The following NR1D2 variants were observed in gnomAD, a reference collection of about 807,000 sequenced individuals.
NR1D2 encodes the protein nuclear receptor subfamily 1 group D member 2, also known as V-erbA-related protein 1-related.
A neutral mutation model predicts 52.2 loss-of-function variants in NR1D2; 25 were observed. The ratio of observed to expected loss-of-function variants is 0.48; its 90% CI spans 0.35 to 0.67. NR1D2 has a LOEUF of 0.67. Among genes scored for constraint, NR1D2 ranks in the 30% least tolerant of loss-of-function variants. The probability of loss-of-function intolerance (pLI) is 0.01; values close to 1 mark genes in which losing one functional copy is unlikely to be tolerated. For synonymous variants in NR1D2, 259 were observed against 230.1 expected (o/e 1.13, Z -1.14); for missense variants, 681 against 707.2 (o/e 0.96, Z 0.42).
chr3:23,946,165 T>A, intron 1 of NR1D2: 1 of 984,580 alleles, frequency 1.0e-6, no homozygotes, highest in Non-Finnish European at 1.2e-6. Context: ...AGGCCGCGCG[T>A]GCGCGCCCGC....
At chr3:23,951,669 CT>C (rs1395463765) in intron 1 of NR1D2, among the ~76,000 whole-genome samples, 5 of 152,236 alleles carry the variant, frequency 3.3e-5, no homozygotes, top group African/African-American at 1.2e-4. Context: ...AATCATCAAT[CT>C]TTAAAACTAT....
intron 6 of NR1D2, among the ~76,000 whole-genome samples, chr3:23,967,548 G>T (rs1299255738): frequency 6.6e-6 from 1 of 151,416 alleles, no homozygotes; most frequent in Non-Finnish European, 1.5e-5. Context: ...CCCGGGAGGC[G>T]GAGGTTGCAG....
chr3:23,973,786 A>T (rs72628109), intron 7 of NR1D2, among the ~76,000 whole-genome samples: 1 of 152,196 alleles, frequency 6.6e-6, no homozygotes, highest in Non-Finnish European at 1.5e-5. Context: ...GTACAGCTAT[A>T]CAAAAATATT....
chr3:23,958,958 A>G (rs1362291636), intron 3 of NR1D2, among the ~76,000 whole-genome samples: 2 of 152,128 alleles, frequency 1.3e-5, no homozygotes, highest in African/African-American at 4.8e-5. Flanking sequence ...CAAGAAAGCA[A>G]GCAAACAAAC....
chr3:23,974,788 C>T (rs1248724740), intron 7 of NR1D2, among the ~76,000 whole-genome samples: 1 of 151,550 alleles, frequency 6.6e-6, no homozygotes, highest in Admixed American at 6.6e-5. Context: ...AAATTGTGAC[C>T]CTCCCCCTAC....
chr3:23,967,313 A>G (rs930752065), intron 6 of NR1D2, among the ~76,000 whole-genome samples: 1 of 151,738 alleles, frequency 6.6e-6, no homozygotes, highest in African/African-American at 2.4e-5. Flanking sequence ...ACAAGAAGAA[A>G]ACTCCATCTC....
At position 23,962,202 on chromosome 3, in the gene NR1D2, T is replaced by C; in HGVS notation, c.743T>C (p.Phe248Ser). The change falls in exon 5 of 8, where the codon TTT (phenylalanine) becomes TCT (serine). Residue 248 changes from phenylalanine to serine, a missense_variant. Phe to Ser is a radical substitution (Grantham distance 155). This residue lies in a region of NR1D2 where 475 missense variants were observed against 454.5 expected (regional missense o/e 1.05). Coordinates refer to ENST00000312521, the MANE Select transcript of NR1D2 (RefSeq NM_005126.5). ...AGCTCTTCTCCTCCATCTTCTGATTTTGCAAAGGAAGAAGTGATTGGCATG... is the reference window on the plus strand; with the variant it reads ...AGCTCTTCTCCTCCATCTTCTGATTCTGCAAAGGAAGAAGTGATTGGCATG... ...IKSSSPPSSD[F>S]AKEEVIGMVT... 6.2e-7 allele frequency: 1 copy of C among 1,614,114 alleles called. No individual in the cohort carries two copies. Among genetic ancestry groups the C allele is most frequent in the Non-Finnish European group, 8.5e-7 (1 of 1,180,020 alleles).
intron 1 of NR1D2, among the ~76,000 whole-genome samples, chr3:23,947,724 C>T (rs58241520): frequency 0.05 from 7,663 of 152,242 alleles, 225 homozygotes; most frequent in Middle Eastern, 0.082. Flanking sequence ...CTTAAAATTT[C>T]TCTCGTTCAT....
chr3:23,961,918 T>G (rs1706257783), intron 4 of NR1D2, 59 bp from the exon 5 acceptor site: 1 of 1,475,896 alleles, frequency 6.8e-7, no homozygotes, highest in Middle Eastern at 1.8e-4. Flanking sequence ...TGTGTTATTC[T>G]TTTATACAAA....
intron 1 of NR1D2, chr3:23,946,270 G>A (rs1705704024): frequency 1.0e-6 from 1 of 985,364 alleles, no homozygotes; most frequent in African/African-American, 1.7e-5. Flanking sequence ...CCAAGGCGCG[G>A]ACCCCGCGCA....
At chr3:23,957,386 A>G (rs888358091) in intron 3 of NR1D2, among the ~76,000 whole-genome samples, 9 of 109,634 alleles carry the variant, frequency 8.2e-5, no homozygotes, top group Non-Finnish European at 1.6e-4. Context: ...CCTTCTCTAT[A>G]TATCTTTTTT....
At chr3:23,946,018 C>A (rs1281124336) in intron 1 of NR1D2, 5 of 771,054 alleles carry the variant, frequency 6.5e-6, no homozygotes, top group Non-Finnish European at 7.9e-6. Context: ...CGCAGGGACA[C>A]GTGGGGGCGG....
At position 23,980,068 on chromosome 3, in the gene NR1D2, G is replaced by A. The variant is rs1423844322; in HGVS notation, c.*2649G>A. The A allele has an allele frequency of 2.0e-5, 3 of 152,194 alleles. No homozygotes were observed. The highest frequency in any genetic ancestry group is 3.9e-4 in the East Asian group (2 of 5,188). 9.4% of individuals were successfully genotyped at this position (152,194 alleles called of 1,614,324 possible). Reference sequence around the variant, plus strand: ...TCTTGGGATGAAGCTTGTCCTTATGGTGATGGTTTAATTACAGATTAAAAA... The same window carrying A: ...TCTTGGGATGAAGCTTGTCCTTATGATGATGGTTTAATTACAGATTAAAAA... On this transcript the variant is annotated 3_prime_UTR_variant, in exon 8 of 8. Coordinates refer to ENST00000312521, the MANE Select transcript of NR1D2 (RefSeq NM_005126.5).
At chr3:23,957,758 C>T (rs1291089771) in intron 3 of NR1D2, among the ~76,000 whole-genome samples, 1 of 151,730 alleles carries the variant, frequency 6.6e-6, no homozygotes, top group Non-Finnish European at 1.5e-5. Flanking sequence ...TTGGGGAAGG[C>T]ATTATTCTTA....
At chr3:23,963,513 G>A (rs772672442) in intron 5 of NR1D2, 200 of 500,850 alleles carry the variant, frequency 4.0e-4, no homozygotes, top group Non-Finnish European at 4.9e-4. Flanking sequence ...GCGGTGGCGC[G>A]ACCTCAGCTC....
At chr3:23,974,863 G>A (rs1429576148) in intron 7 of NR1D2, among the ~76,000 whole-genome samples, 3 of 149,558 alleles carry the variant, frequency 2.0e-5, no homozygotes, top group Non-Finnish European at 3.0e-5. Context: ...CTGTCACCCA[G>A]GCTGGAGTGC....
chr3:23,958,904 G>C (rs768604536), intron 3 of NR1D2, among the ~76,000 whole-genome samples: 2 of 152,040 alleles, frequency 1.3e-5, no homozygotes, highest in Non-Finnish European at 2.9e-5. Context: ...AGCTGAGATC[G>C]CACCACTGCA....
intron 7 of NR1D2, among the ~76,000 whole-genome samples, chr3:23,975,556 G>A (rs1706702198): frequency 6.6e-6 from 1 of 152,096 alleles, no homozygotes. Flanking sequence ...TGGATCACAA[G>A]GTCAGGAGTT....
At chr3:23,971,239 T>G (rs1051251744) in intron 7 of NR1D2, among the ~76,000 whole-genome samples, 1 of 152,090 alleles carries the variant, frequency 6.6e-6, no homozygotes, top group African/African-American at 2.4e-5. Context: ...CTTAACACCC[T>G]TCTTTTTAAT....
Sources: allele counts gnomAD v4.1 joint callset (sites outside exome capture counted in the v4.1 genomes callset), GRCh38; gene constraint gnomAD v4.1.1; regional missense constraint gnomAD v4.1.1; transcripts MANE v1.5; gene names NCBI Gene and HGNC (gene_info 2026-07-23, HGNC 2026-07-21).